The following CAMK2D variants were observed in gnomAD, a reference collection of about 807,000 sequenced individuals.
The protein encoded by CAMK2D is calcium/calmodulin-dependent protein kinase type II subunit delta.
In CAMK2D, 37 loss-of-function variants were observed where a neutral mutation model predicts 84.0. The ratio of observed to expected loss-of-function variants is 0.44; its 90% confidence interval spans 0.34 to 0.58. CAMK2D has a LOEUF of 0.58. Ranked by LOEUF, CAMK2D falls within the 20% of genes least tolerant of loss-of-function variation. The pLI is 0.02. For synonymous variants in CAMK2D, 202 were observed against 212.5 expected (o/e 0.95, Z 0.43); for missense variants, 448 against 652.5 (o/e 0.69, Z 3.41).
intron 2 of CAMK2D, among the ~76,000 whole-genome samples, chr4:113,752,238 A>G (rs1233443053): frequency 6.6e-6 from 1 of 151,312 alleles, no homozygotes; most frequent in Non-Finnish European, 1.5e-5. Flanking sequence ...ATATGATATA[A>G]TTATATATAT....
chr4:113,628,341 A>C (rs2099076050), intron 3 of CAMK2D, among the ~76,000 whole-genome samples: 1 of 152,210 alleles, frequency 6.6e-6, no homozygotes. Context: ...AATAAAAAAG[A>C]AATAGAAAAG....
At chr4:113,745,525 T>C (rs993318256) in intron 2 of CAMK2D, among the ~76,000 whole-genome samples, 13 of 152,368 alleles carry the variant, frequency 8.5e-5, no homozygotes, top group South Asian at 2.1e-4. Flanking sequence ...ATTATCTTCA[T>C]GTCCCCCACA....
Position 113,592,855 on chromosome 4 carries a change from T to G in CAMK2D, c.275+16297A>C, listed in dbSNP as rs190996661. 1.3e-3 allele frequency among the ~76,000 whole-genome samples: 194 copies of G among 152,142 alleles called. 2 individuals are homozygous for G. The highest frequency in any genetic ancestry group is 4.5e-3 in the African/African-American group (188 of 41,504). ...CTGGATTTTTATAAAATTTGACATT[T>G]TATTTATTTATTTATTTAAGACAGA... On this transcript the variant is annotated intron_variant, in intron 4 of 20. Transcript: ENST00000511664.
At chr4:113,549,894 T>C (rs2098611340) in intron 5 of CAMK2D, among the ~76,000 whole-genome samples, 1 of 152,210 alleles carries the variant, frequency 6.6e-6, no homozygotes, top group Admixed American at 6.5e-5. Flanking sequence ...GCGTCTCACA[T>C]TCATTGCTGT....
chr4:113,676,430 C>G (rs747201173), intron 2 of CAMK2D, among the ~76,000 whole-genome samples: 30 of 150,884 alleles, frequency 2.0e-4, no homozygotes, highest in Admixed American at 3.3e-4. Flanking sequence ...TTCAAACCAT[C>G]AGGAATACCA....
At chr4:113,609,962 G>GT (rs1312729054) in intron 3 of CAMK2D, among the ~76,000 whole-genome samples, 4 of 151,812 alleles carry the variant, frequency 2.6e-5, no homozygotes, top group Non-Finnish European at 5.9e-5. Flanking sequence ...ACAAACCGCT[G>GT]TATCTGCTAT....
intron 2 of CAMK2D, among the ~76,000 whole-genome samples, chr4:113,746,950 C>CA (rs202063823): frequency 0.22 from 27,410 of 125,506 alleles, 3,210 homozygotes; most frequent in African/African-American, 0.35. Context: ...CTACATCAAC[C>CA]AAAAAAAAAA....
intron 2 of CAMK2D, among the ~76,000 whole-genome samples, chr4:113,713,879 C>CT (rs1408951944): frequency 1.3e-5 from 2 of 150,710 alleles, no homozygotes; most frequent in South Asian, 2.1e-4. Flanking sequence ...GTAATACAAA[C>CT]TTTTTTTTTG....
At chr4:113,479,653 C>T (rs2097674692) in intron 16 of CAMK2D, among the ~76,000 whole-genome samples, 1 of 152,154 alleles carries the variant, frequency 6.6e-6, no homozygotes, top group Non-Finnish European at 1.5e-5. Flanking sequence ...AACTTGTTTT[C>T]TGCACTTGGG....
intron 2 of CAMK2D, among the ~76,000 whole-genome samples, chr4:113,736,998 T>C (rs534640157): frequency 6.6e-6 from 1 of 152,160 alleles, no homozygotes; most frequent in African/African-American, 2.4e-5. Flanking sequence ...CCAACATCTC[T>C]ATTTATGTCA....
At chr4:113,575,774 T>C (rs759646528) in intron 4 of CAMK2D, among the ~76,000 whole-genome samples, 6 of 152,060 alleles carry the variant, frequency 3.9e-5, no homozygotes, top group Non-Finnish European at 7.4e-5. Context: ...TTATAAAACC[T>C]GTTAAAATGC....
chr4:113,517,760 G>T, intron 8 of CAMK2D, 103 bp from the exon 9 acceptor site: 1 of 616,628 alleles, frequency 1.6e-6, no homozygotes, highest in Non-Finnish European at 3.0e-6. Context: ...TTAAAACAGA[G>T]AAAACTGGAT....
intron 4 of CAMK2D, among the ~76,000 whole-genome samples, chr4:113,578,838 A>G (rs1006058660): frequency 5.9e-5 from 9 of 152,236 alleles, no homozygotes; most frequent in African/African-American, 1.9e-4. Flanking sequence ...CAATTTGCAG[A>G]GGCATGTCCT....
chr4:113,491,925 G>T (rs2067098116), intron 16 of CAMK2D, among the ~76,000 whole-genome samples: 1 of 152,120 alleles, frequency 6.6e-6, no homozygotes, highest in Non-Finnish European at 1.5e-5. Flanking sequence ...TAGTTTATTT[G>T]CGTAGAGCTG....
In CAMK2D at chr4:113,607,427, G is replaced by A. The variant is rs1395324990; in HGVS notation, c.275+1725C>T. Among the ~76,000 whole-genome samples, 7 of 152,208 alleles carry A rather than the reference G, an allele frequency of 4.6e-5. No homozygotes were observed. The East Asian group carries it at 9.7e-4, about 21-fold the overall frequency. On this transcript the variant is annotated intron_variant, in intron 4 of 20. Transcript: ENST00000511664. Reference sequence around the variant, plus strand: ...CCTCTGAGCCCAAGCCTGCAGGTACGCATTAAGATGGTCTGGAGCAACTGA... The same window carrying A: ...CCTCTGAGCCCAAGCCTGCAGGTACACATTAAGATGGTCTGGAGCAACTGA...
chr4:113,720,431 A>G (rs1036711805), intron 2 of CAMK2D, among the ~76,000 whole-genome samples: 1 of 151,926 alleles, frequency 6.6e-6, no homozygotes, highest in Non-Finnish European at 1.5e-5. Flanking sequence ...AGATTTAGCA[A>G]TTCAGAATCA....
intron 2 of CAMK2D, among the ~76,000 whole-genome samples, chr4:113,726,350 A>G (rs2099545722): frequency 6.9e-6 from 1 of 145,968 alleles, no homozygotes. Flanking sequence ...CTGCCTCCAC[A>G]TAAGATTGCT....
chr4:113,542,442 G>T lies in CAMK2D; in HGVS notation c.415-4999C>A, dbSNP rs557856670. 2.0e-5 allele frequency among the ~76,000 whole-genome samples: 3 copies of T among 152,208 alleles called. No homozygotes were observed. In the South Asian group the frequency reaches 6.2e-4, roughly 32 times the overall value. On this transcript the variant is annotated intron_variant, in intron 6 of 20. Coordinates refer to ENST00000511664, the MANE Select transcript of CAMK2D (RefSeq NM_001321571.2). ...GTTAACAAGAATTTACTGGCCGGGCGCTGTGGCTCGTGCGTGTAATCCCAG... is the reference window on the plus strand; with the variant it reads ...GTTAACAAGAATTTACTGGCCGGGCTCTGTGGCTCGTGCGTGTAATCCCAG...
intron 2 of CAMK2D, among the ~76,000 whole-genome samples, chr4:113,729,660 G>GA (rs2099556960): frequency 6.6e-6 from 1 of 152,084 alleles, no homozygotes; most frequent in Admixed American, 6.5e-5. Flanking sequence ...TTGCTGCACT[G>GA]AAAGTCTGTG....
Sources: allele counts gnomAD v4.1 joint callset (sites outside exome capture counted in the v4.1 genomes callset), GRCh38; gene constraint gnomAD v4.1.1; transcripts MANE v1.5; gene names NCBI Gene and HGNC (gene_info 2026-07-23, HGNC 2026-07-21).